IL1RAPL2: variants seen among roughly 807,000 people sequenced by gnomAD.
IL1RAPL2 encodes X-linked interleukin-1 receptor accessory protein-like 2.
A neutral mutation model predicts 44.1 loss-of-function variants in IL1RAPL2; 3 were observed. The observed-to-expected ratio is 0.07, with a 90% confidence interval of 0.03 to 0.18. IL1RAPL2 has a LOEUF of 0.18. Ranked by LOEUF, IL1RAPL2 falls within the 10% of genes least tolerant of loss-of-function variation. IL1RAPL2 has a pLI of 1.00. For synonymous variants in IL1RAPL2, 181 were observed against 178.8 expected, an observed-to-expected ratio of 1.01 and a Z score of -0.10; for missense variants, 391 against 496.4, an observed-to-expected ratio of 0.79 and a Z score of 2.02.
chrX:105,589,616 C>T (rs2037154006), intron 6 of IL1RAPL2, among the ~76,000 whole-genome samples: 1 of 111,118 alleles, frequency 9.0e-6, no homozygotes, highest in Non-Finnish European at 1.9e-5. Flanking sequence ...GTTATCCCAG[C>T]AGCATTTTTT....
At chrX:105,709,595 G>C (rs1221271627) in intron 6 of IL1RAPL2, among the ~76,000 whole-genome samples, 1 of 111,269 alleles carries the variant, frequency 9.0e-6, no homozygotes, top group East Asian at 2.8e-4. Flanking sequence ...CTTATTAGAG[G>C]AATGGGCTTG....
intron 2 of IL1RAPL2, among the ~76,000 whole-genome samples, chrX:104,738,289 G>A (rs1179801890): frequency 8.9e-6 from 1 of 112,211 alleles, no homozygotes; most frequent in African/African-American, 3.2e-5. Context: ...AATAGGATAA[G>A]CTAATAGATG....
At chrX:105,625,985 G>A (rs2037450615) in intron 6 of IL1RAPL2, among the ~76,000 whole-genome samples, 1 of 111,483 alleles carries the variant, frequency 9.0e-6, no homozygotes, top group African/African-American at 3.2e-5. Context: ...TGAATTTATA[G>A]CACATTGATC....
intron 6 of IL1RAPL2, among the ~76,000 whole-genome samples, chrX:105,618,121 TCA>T (rs746820303): frequency 0.012 from 1,191 of 100,618 alleles, 18 homozygotes; most frequent in African/African-American, 0.037. Context: ...TCTCTCTCAC[TCA>T]CACACACACA....
chrX:104,909,863 A>G (rs892447449), intron 2 of IL1RAPL2, among the ~76,000 whole-genome samples: 2 of 112,261 alleles, frequency 1.8e-5, no homozygotes. Context: ...GGCCTCCTTG[A>G]GCTGTGGTGG....
chrX:105,018,873 C>T (rs981629724), intron 2 of IL1RAPL2, among the ~76,000 whole-genome samples: 13 of 111,247 alleles, frequency 1.2e-4, no homozygotes, highest in African/African-American at 3.6e-4. Context: ...ATTTCCAACA[C>T]GCACTGCCAA....
chrX:105,569,368 G>T (rs2036998117), intron 6 of IL1RAPL2, among the ~76,000 whole-genome samples: 1 of 111,725 alleles, frequency 9.0e-6, no homozygotes, highest in Non-Finnish European at 1.9e-5. Context: ...CCCTGTTGTA[G>T]TCAATAAGGT....
intron 2 of IL1RAPL2, among the ~76,000 whole-genome samples, chrX:105,011,588 T>TTA (rs752536516): frequency 2.7e-5 from 3 of 111,811 alleles, no homozygotes; most frequent in Non-Finnish European, 5.7e-5. Context: ...TTTGGCTTAT[T>TTA]TCACTTATCA....
At position 105,355,130 on chromosome X, in the gene IL1RAPL2, C is replaced by T. The variant is rs764487563; in HGVS notation, c.697+87589C>T. Among the ~76,000 whole-genome samples the T allele has an allele frequency of 2.7e-5, 3 of 111,556 alleles. No individual in the cohort carries two copies. The Admixed American group carries it at 2.9e-4, about 11-fold the overall frequency. ...TGCAATCCATTTTTTACCTACCGGC[C>T]GCTTTTAGATCTGGTACTGCTCCTT... On this transcript the variant is annotated intron_variant, in intron 5 of 10. Coordinates refer to ENST00000372582, the MANE Select transcript of IL1RAPL2 (RefSeq NM_017416.2).
chrX:105,215,775 GC>G (rs2033852935), intron 3 of IL1RAPL2, among the ~76,000 whole-genome samples: 1 of 111,384 alleles, frequency 9.0e-6, no homozygotes, highest in South Asian at 3.8e-4. Flanking sequence ...GATCAAGTCA[GC>G]TTTATCCCTG....
At position 104,869,551 on chromosome X, in the gene IL1RAPL2, C is replaced by G. The variant is rs752371702; in HGVS notation, c.82+210556C>G. 3.0e-3 allele frequency among the ~76,000 whole-genome samples: 329 copies of G among 111,486 alleles called. 1 individual carries two copies. The highest frequency in any genetic ancestry group is 9.8e-3 in the African/African-American group (302 of 30,715). The stretch of plus-strand genomic sequence containing the variant: ...TTGTCTCTTCCTAGAGTGGGAAAGA[C>G]TATTTCTTTTTTTTCATTATTATAC... On this transcript the variant is annotated intron_variant, in intron 2 of 10. Transcript: ENST00000372582.
intron 6 of IL1RAPL2, among the ~76,000 whole-genome samples, chrX:105,556,492 T>C (rs929468597): frequency 2.7e-5 from 3 of 111,277 alleles, no homozygotes. Flanking sequence ...TAACACAGCC[T>C]ATACTCAACA....
At chrX:105,572,270 G>A (rs1311047645) in intron 6 of IL1RAPL2, among the ~76,000 whole-genome samples, 2 of 111,759 alleles carry the variant, frequency 1.8e-5, no homozygotes, top group Non-Finnish European at 3.8e-5. Flanking sequence ...AAAAGAAAAG[G>A]TCTGCAAGAG....
chrX:105,502,541 G>C (rs772431093), intron 6 of IL1RAPL2, among the ~76,000 whole-genome samples: 4 of 110,965 alleles, frequency 3.6e-5, no homozygotes, highest in Non-Finnish European at 7.6e-5. Flanking sequence ...ACTCATGGAA[G>C]GTATCGTTAT....
At chrX:104,762,239 T>C (rs764165128) in intron 2 of IL1RAPL2, among the ~76,000 whole-genome samples, 1 of 110,622 alleles carries the variant, frequency 9.0e-6, no homozygotes, top group Admixed American at 9.7e-5. Flanking sequence ...CCTCAGGTGA[T>C]CCACCTGCCT....
chrX:104,929,841 C>T (rs1418297516), intron 2 of IL1RAPL2, among the ~76,000 whole-genome samples: 2 of 111,819 alleles, frequency 1.8e-5, no homozygotes, highest in African/African-American at 6.5e-5. Context: ...ACAGTGGAAC[C>T]ATATGCTTAT....
chrX:104,882,910 C>T (rs749384783), intron 2 of IL1RAPL2, among the ~76,000 whole-genome samples: 1 of 111,433 alleles, frequency 9.0e-6, no homozygotes, highest in Non-Finnish European at 1.9e-5. Flanking sequence ...ACTCCGGACG[C>T]CCCACCTTTA....
intron 2 of IL1RAPL2, among the ~76,000 whole-genome samples, chrX:105,183,525 C>A (rs1324754095): frequency 6.3e-5 from 7 of 111,467 alleles, no homozygotes; most frequent in Non-Finnish European, 1.9e-5. Context: ...GTGGTGGCAG[C>A]AGTGTGTGGG....
At chrX:104,574,340 G>T (rs1192791637) in intron 1 of IL1RAPL2, among the ~76,000 whole-genome samples, 1 of 110,481 alleles carries the variant, frequency 9.1e-6, no homozygotes, top group African/African-American at 3.3e-5. Context: ...ACCAAAAAAG[G>T]AATACCAAAC....
Sources: gnomAD v4.1 joint callset for allele counts (sites outside exome capture counted in the v4.1 genomes callset) on GRCh38, gnomAD v4.1.1 for gene constraint, MANE v1.5 for transcripts, NCBI Gene and HGNC (gene_info 2026-07-23, HGNC 2026-07-21) for gene names.